Variants in HOXC4 observed in about 807,000 individuals in gnomAD.
HOXC4 encodes the protein homeobox C4.
Under a neutral mutation model 25.5 loss-of-function variants are expected in HOXC4, and 15 were observed. The ratio of observed to expected loss-of-function variants is 0.59; its 90% CI spans 0.39 to 0.91. The LOEUF (loss-of-function observed/expected upper bound fraction) is 0.91, where lower values mean the gene tolerates loss of function less well. Ranked by LOEUF, HOXC4 falls within the 40% of genes least tolerant of loss-of-function variation. The probability of loss-of-function intolerance (pLI) is 0.00; values close to 1 mark genes in which losing one functional copy is unlikely to be tolerated. For synonymous variants in HOXC4, 165 were observed against 148.0 expected (o/e 1.11, Z -0.83); for missense variants, 342 against 352.4 (o/e 0.97, Z 0.24).
chr12:54,019,333 A>G (rs1197790869), intron 1 of HOXC4, among the ~76,000 whole-genome samples: 1 of 152,188 alleles, frequency 6.6e-6, no homozygotes, highest in Non-Finnish European at 1.5e-5. Flanking sequence ...CCCGCCGCTC[A>G]GGCACGGCCC....
Position 54,053,916 on chromosome 12 carries a change from G to A in HOXC4, c.-7G>A. On this transcript the variant is annotated 5_prime_UTR_variant, in exon 1 of 2. Coordinates refer to ENST00000430889, the MANE Select transcript of HOXC4 (RefSeq NM_153633.3). ...GCGAGAAAAATTATTTTCCACTCCAGAAATTAATGATCATGAGCTCGTATT... is the reference window on the plus strand; with the variant it reads ...GCGAGAAAAATTATTTTCCACTCCAAAAATTAATGATCATGAGCTCGTATT... 2 of 1,596,598 alleles carry A rather than the reference G, an allele frequency of 1.3e-6. No individual in the cohort carries two copies. Among genetic ancestry groups the A allele is most frequent in the Non-Finnish European group, 8.6e-7 (1 of 1,165,964 alleles).
At chr12:54,028,321 A>G (rs1054843191) in intron 1 of HOXC4, 2 of 537,942 alleles carry the variant, frequency 3.7e-6, no homozygotes, top group Non-Finnish European at 6.6e-6. Flanking sequence ...AGTCTCAACT[A>G]GGGAATCAAC....
chr12:54,025,539 A>T (rs7966202), intron 1 of HOXC4, among the ~76,000 whole-genome samples: 3 of 23,704 alleles, frequency 1.3e-4, no homozygotes, highest in Non-Finnish European at 2.7e-4. Flanking sequence ...GGGGGGGGGG[A>T]GGTGTTGAAA....
upstream of HOXC4, among the ~76,000 whole-genome samples, chr12:54,052,505 C>T (rs1195923162): frequency 2.0e-5 from 3 of 151,998 alleles, no homozygotes; most frequent in Non-Finnish European, 4.4e-5. Flanking sequence ...CGCTACCCCC[C>T]GCAACTCTGA....
upstream of HOXC4, chr12:54,053,773 G>A (rs956698863): frequency 6.4e-6 from 4 of 626,146 alleles, no homozygotes; most frequent in Middle Eastern, 1.2e-3. Context: ...AAGCGATTCG[G>A]TTCCTTATCC....
At chr12:54,034,797 T>C (rs1941138805) in intron 1 of HOXC4, 1 of 382,646 alleles carries the variant, frequency 2.6e-6, no homozygotes, top group South Asian at 2.6e-5. Context: ...AGAACGAACC[T>C]TGGCCTGGGC....
rs553588814 is a variant in HOXC4 at position 54,030,131 on chromosome 12, C to T, written c.-124+12717C>T. ...TGAAAGTCAGCTCTGGACCCCCTCC[C>T]TCACCGCACAACTCTCTTTCACCAC... On this transcript the variant is annotated intron_variant, in intron 1 of 3. Transcript: ENST00000303406. 121 of 624,424 alleles carry T rather than the reference C, an allele frequency of 1.9e-4. 1 individual carries two copies. In the South Asian group the frequency reaches 2.0e-3, roughly 10 times the overall value. 38.7% of individuals were successfully genotyped at this position (624,424 alleles called of 1,614,324 possible).
intron 1 of HOXC4, among the ~76,000 whole-genome samples, chr12:54,039,827 A>T (rs1384107899): frequency 6.6e-6 from 1 of 150,926 alleles, no homozygotes; most frequent in Non-Finnish European, 1.5e-5. Context: ...CCCAGGCAAG[A>T]CTCCACCCTG....
At chr12:54,020,417 G>GCTA (rs1940382639) in intron 1 of HOXC4, 1 of 152,208 alleles carries the variant, frequency 6.6e-6, no homozygotes, top group African/African-American at 2.4e-5. Flanking sequence ...GGAGAATTGG[G>GCTA]CAGAGCAAAC....
chr12:54,023,706 CTG>C (rs1278367821), intron 1 of HOXC4, among the ~76,000 whole-genome samples: 1 of 152,210 alleles, frequency 6.6e-6, no homozygotes, highest in African/African-American at 2.4e-5. Context: ...ATATCCATTT[CTG>C]TGTTAGGTGT....
At chr12:54,026,501 C>G (rs1184887107) in intron 1 of HOXC4, among the ~76,000 whole-genome samples, 4 of 152,204 alleles carry the variant, frequency 2.6e-5, no homozygotes, top group African/African-American at 9.7e-5. Context: ...TCTACCCTTT[C>G]CCCTTCATTT....
rs1299383703 is a variant in HOXC4 at position 54,026,973 on chromosome 12, G to GC, written c.-124+9559_-124+9560insC. On this transcript the variant is annotated intron_variant, in intron 1 of 3. Coordinates refer to the HOXC4 transcript ENST00000303406. ...ACCCACCCAAAAATGGTGGGGGGGG[G>GC]GGGATATGAGCTTTCTCTGCTCCCC... Among the ~76,000 whole-genome samples the GC allele has an allele frequency of 1.8e-4, 25 of 140,810 alleles. 1 individual carries two copies. Among genetic ancestry groups the GC allele is most frequent in the Non-Finnish European group, 3.4e-4 (21 of 61,874 alleles). 92.4% of individuals were successfully genotyped at this position (140,810 alleles called of 152,430 possible).
chr12:54,042,867 A>G (rs1191872844), intron 1 of HOXC4, among the ~76,000 whole-genome samples: 1 of 152,134 alleles, frequency 6.6e-6, no homozygotes, highest in African/African-American at 2.4e-5. Flanking sequence ...TACTGATACT[A>G]TCTCTGCTAG....
At chr12:54,024,851 G>A (rs1200341022) in intron 1 of HOXC4, among the ~76,000 whole-genome samples, 2 of 152,216 alleles carry the variant, frequency 1.3e-5, no homozygotes, top group Admixed American at 6.5e-5. Context: ...CAAGGCGCAG[G>A]CAGTAAATTT....
chr12:54,026,835 G>A (rs1032546476), intron 1 of HOXC4, among the ~76,000 whole-genome samples: 4 of 151,966 alleles, frequency 2.6e-5, no homozygotes, highest in Non-Finnish European at 5.9e-5. Flanking sequence ...GCATAGTCCC[G>A]TTTATGGCTT....
intron 1 of HOXC4, chr12:54,022,014 G>A (rs1201015309): frequency 6.6e-6 from 1 of 152,202 alleles, no homozygotes; most frequent in Non-Finnish European, 1.5e-5. Context: ...TAGGGTCAGG[G>A]GAATTATGGG....
chr12:54,030,142 A>C, intron 1 of HOXC4: 3 of 560,836 alleles, frequency 5.3e-6, no homozygotes, highest in East Asian at 3.0e-5. Flanking sequence ...TCACCGCACA[A>C]CTCTCTTTCA....
intron 1 of HOXC4, among the ~76,000 whole-genome samples, chr12:54,044,646 T>A (rs1937654511): frequency 6.6e-6 from 1 of 152,158 alleles, no homozygotes; most frequent in Admixed American, 6.5e-5. Context: ...GTGTACCGCA[T>A]GAATGGAGGA....
chr12:54,036,720 G>A (rs1233861843), intron 1 of HOXC4, among the ~76,000 whole-genome samples: 1 of 152,048 alleles, frequency 6.6e-6, no homozygotes, highest in East Asian at 1.9e-4. Context: ...TTTTCTTCAG[G>A]GAGTTATTTT....
Sources: allele counts gnomAD v4.1 joint callset (sites outside exome capture counted in the v4.1 genomes callset), GRCh38; gene constraint gnomAD v4.1.1; transcripts MANE v1.5; gene names NCBI Gene and HGNC (gene_info 2026-07-23, HGNC 2026-07-21).